The following ADAMTSL1 variants were observed in gnomAD, a reference collection of about 807,000 sequenced individuals.
The protein encoded by ADAMTSL1 is ADAMTS-like protein 1.
ADAMTSL1 carries 126 observed loss-of-function variants against 201.8 expected under a neutral mutation model. The ratio of observed to expected loss-of-function variants is 0.62; its 90% CI spans 0.54 to 0.72. The LOEUF (loss-of-function observed/expected upper bound fraction) is 0.72, where lower values mean the gene tolerates loss of function less well. Ranked by LOEUF, ADAMTSL1 falls within the 30% of genes least tolerant of loss-of-function variation. The pLI, the probability that ADAMTSL1 is intolerant of heterozygous loss-of-function variation, is 0.00. For missense variants in ADAMTSL1, 2,679 were observed against 2,277.8 expected (o/e 1.18, Z -3.59); for synonymous variants, 1,121 against 903.4 (o/e 1.24, Z -4.32).
chr9:17,949,267 G>A (rs1438022554), intron 1 of ADAMTSL1, among the ~76,000 whole-genome samples: 1 of 152,176 alleles, frequency 6.6e-6, no homozygotes, highest in Non-Finnish European at 1.5e-5. Flanking sequence ...AAGTGAGGGA[G>A]GTAGTCTCCC....
intron 2 of ADAMTSL1, among the ~76,000 whole-genome samples, chr9:18,515,982 T>A (rs903589440): frequency 2.6e-5 from 4 of 151,510 alleles, no homozygotes; most frequent in African/African-American, 4.9e-5. Context: ...GAGACTCACC[T>A]CTCCTTAAAG....
intron 1 of ADAMTSL1, among the ~76,000 whole-genome samples, chr9:18,128,209 G>GA (rs1018018829): frequency 6.6e-6 from 1 of 152,126 alleles, no homozygotes; most frequent in Non-Finnish European, 1.5e-5. Context: ...ATTTTCATGG[G>GA]ATCTGGTAAT....
At chr9:18,170,855 C>A (rs534186434) in intron 2 of ADAMTSL1, among the ~76,000 whole-genome samples, 21 of 152,196 alleles carry the variant, frequency 1.4e-4, no homozygotes, top group African/African-American at 5.1e-4. Flanking sequence ...GGCTTTCTCT[C>A]TACTGTTGTC....
chr9:18,603,472 A>G lies in ADAMTSL1; in HGVS notation c.475-18771A>G, dbSNP rs373064525. ...TGTTGGGTCCATATATGTCTTGCTC[A>G]GTAGAAGAACAGTGAGTGCAAACAC... is the stretch of plus-strand genomic sequence containing the variant. On this transcript the variant is annotated intron_variant, in intron 4 of 28. Coordinates refer to ENST00000380548, the MANE Select transcript of ADAMTSL1 (RefSeq NM_001040272.6). 2.0e-3 allele frequency among the ~76,000 whole-genome samples: 297 copies of G among 152,254 alleles called. 1 individual carries two copies. Among genetic ancestry groups the G allele is most frequent in the African/African-American group, 6.5e-3 (270 of 41,532 alleles).
intron 2 of ADAMTSL1, among the ~76,000 whole-genome samples, chr9:18,287,371 A>G (rs779113752): frequency 2.6e-5 from 4 of 151,916 alleles, no homozygotes; most frequent in African/African-American, 4.8e-5. Flanking sequence ...ATATACACAC[A>G]TACATGTATA....
intron 1 of ADAMTSL1, among the ~76,000 whole-genome samples, chr9:17,997,822 A>G (rs1467673686): frequency 1.3e-5 from 2 of 151,984 alleles, no homozygotes; most frequent in Non-Finnish European, 2.9e-5. Context: ...AAATTTGGGG[A>G]AAAAAATCAC....
chr9:18,590,529 T>A (rs1194838043), intron 4 of ADAMTSL1, among the ~76,000 whole-genome samples: 3 of 152,098 alleles, frequency 2.0e-5, no homozygotes, highest in South Asian at 2.1e-4. Context: ...TCTGCTCACA[T>A]CTTCAGTATT....
chr9:18,532,823 T>C (rs922327841), intron 2 of ADAMTSL1, among the ~76,000 whole-genome samples: 3 of 151,792 alleles, frequency 2.0e-5, no homozygotes, highest in African/African-American at 4.8e-5. Flanking sequence ...CTTAGAATTA[T>C]GATTTTAAGA....
At chr9:18,032,307 C>G (rs1023099277) in intron 1 of ADAMTSL1, among the ~76,000 whole-genome samples, 3 of 152,228 alleles carry the variant, frequency 2.0e-5, no homozygotes, top group Non-Finnish European at 4.4e-5. Context: ...CTCAATACCC[C>G]TCAGGGTAGT....
At chr9:18,052,592 G>C (rs1821987085) in intron 1 of ADAMTSL1, among the ~76,000 whole-genome samples, 2 of 152,304 alleles carry the variant, frequency 1.3e-5, no homozygotes, top group South Asian at 2.1e-4. Flanking sequence ...TTGTGCCTCA[G>C]TAGCCTCAGT....
chr9:18,653,247 A>T (rs1016222381), intron 7 of ADAMTSL1, among the ~76,000 whole-genome samples: 1 of 152,010 alleles, frequency 6.6e-6, no homozygotes, highest in South Asian at 2.1e-4. Context: ...CTCGCTCCCC[A>T]CCACCACAAT....
At chr9:18,860,241 T>C (rs890568847) in intron 23 of ADAMTSL1, among the ~76,000 whole-genome samples, 1 of 152,246 alleles carries the variant, frequency 6.6e-6, no homozygotes, top group African/African-American at 2.4e-5. Flanking sequence ...GGTAAAAATA[T>C]ATCTTGCCCA....
At chr9:18,243,307 T>G (rs1831137437) in intron 2 of ADAMTSL1, among the ~76,000 whole-genome samples, 1 of 152,078 alleles carries the variant, frequency 6.6e-6, no homozygotes, top group African/African-American at 2.4e-5. Context: ...TCCAAAATAT[T>G]ACTCCTTCTT....
At chr9:17,909,098 T>C (rs1359248428) in intron 1 of ADAMTSL1, among the ~76,000 whole-genome samples, 1 of 148,574 alleles carries the variant, frequency 6.7e-6, no homozygotes, top group Non-Finnish European at 1.5e-5. Context: ...TTCATGTGTT[T>C]TTTGGCTGCA....
Position 18,461,862 on chromosome 9 carries a change from C to A in ADAMTSL1, c.208-42967C>A, listed in dbSNP as rs545383936. ...TGACATACATGGGGGAGATTGGTTCCAGGACACGCCCCCTCCACTCCCCCA... is the reference window on the plus strand; with the variant it reads ...TGACATACATGGGGGAGATTGGTTCAAGGACACGCCCCCTCCACTCCCCCA... On this transcript the variant is annotated intron_variant, in intron 2 of 29. Coordinates refer to the ADAMTSL1 transcript ENST00000680146. Among the ~76,000 whole-genome samples the A allele has an allele frequency of 2.6e-5, 4 of 152,182 alleles. No homozygotes were observed. The East Asian group carries it at 7.7e-4, about 29-fold the overall frequency.
intron 4 of ADAMTSL1, among the ~76,000 whole-genome samples, chr9:18,609,976 T>A (rs1825275455): frequency 6.6e-6 from 1 of 152,204 alleles, no homozygotes; most frequent in Non-Finnish European, 1.5e-5. Context: ...CAGGTTGAGT[T>A]GTTGGTTGCA....
At chr9:18,617,360 C>T (rs571070582) in intron 4 of ADAMTSL1, among the ~76,000 whole-genome samples, 27 of 152,266 alleles carry the variant, frequency 1.8e-4, no homozygotes, top group Admixed American at 1.3e-3. Flanking sequence ...TTGCATACTG[C>T]CTGTTCTCTT....
chr9:18,743,657 G>A (rs1818969947), intron 15 of ADAMTSL1, among the ~76,000 whole-genome samples: 3 of 152,150 alleles, frequency 2.0e-5, no homozygotes, highest in African/African-American at 7.2e-5. Flanking sequence ...AAGTGTGGCT[G>A]TATCTACTAT....
chr9:17,927,327 CAT>C (rs1257430468), intron 1 of ADAMTSL1, among the ~76,000 whole-genome samples: 1 of 152,118 alleles, frequency 6.6e-6, no homozygotes, highest in African/African-American at 2.4e-5. Context: ...TAAATGCACA[CAT>C]ACATATACAC....
Sources: allele counts gnomAD v4.1 joint callset (sites outside exome capture counted in the v4.1 genomes callset), GRCh38; gene constraint gnomAD v4.1.1; transcripts MANE v1.5; gene names NCBI Gene and HGNC (gene_info 2026-07-23, HGNC 2026-07-21).